Variants in MED19 observed in about 807,000 individuals in gnomAD.
MED19 encodes the protein mediator of RNA polymerase II transcription subunit 19.
In MED19, 4 loss-of-function variants were observed where a neutral mutation model predicts 19.9. The ratio of observed to expected loss-of-function variants is 0.20; its 90% CI spans 0.10 to 0.46. MED19 has a LOEUF of 0.46. Among genes scored for constraint, MED19 ranks in the 20% least tolerant of loss-of-function variants. MED19 has a pLI of 0.99. For missense variants in MED19, 303 were observed against 318.7 expected, an observed-to-expected ratio of 0.95 and a Z score of 0.38; for synonymous variants, 139 against 119.6, an observed-to-expected ratio of 1.16 and a Z score of -1.06.
At chr11:57,710,931 G>C (rs758721640) in intron 1 of MED19, among the ~76,000 whole-genome samples, 12 of 152,180 alleles carry the variant, frequency 7.9e-5, no homozygotes, top group Non-Finnish European at 1.5e-4. Context: ...CTGGGCTCAA[G>C]GGATTCTGCC....
intron 1 of MED19, 115 bp downstream of exon 1, chr11:57,711,847 AG>A: frequency 8.6e-7 from 1 of 1,160,662 alleles, no homozygotes; most frequent in Non-Finnish European, 1.1e-6. Flanking sequence ...AGGGCTCCAC[AG>A]TCCGGGTATG....
rs1325118880 is a variant in MED19 at position 57,712,195 on chromosome 11, G to A, written c.-16C>T. On this transcript the variant is annotated 5_prime_UTR_variant, in exon 1 of 5. Coordinates refer to ENST00000431606, the Ensembl canonical transcript of MED19. ...AATTCTCCATCGTACCCTCCGCCCC[G>A]GCGCTGTCTCCGTGTCTGCCGTTGG... 18 of 1,490,028 alleles carry A rather than the reference G, an allele frequency of 1.2e-5. No individual in the cohort carries two copies. In the East Asian group the frequency reaches 1.6e-4, roughly 13 times the overall value. The allele number at this position is 1,490,028 out of a possible 1,614,324, so 92.3% of individuals were successfully genotyped here.
chr11:57,704,669 GTTTTTT>G (rs34198151), intron 3 of MED19, 44 bp downstream of exon 3: 736 of 1,285,714 alleles, frequency 5.7e-4, no homozygotes, highest in East Asian at 7.6e-4. Context: ...AGAAGGTCAG[GTTTTTT>G]TTTTTTTTTT....
At chr11:57,704,022 G>C in exon 5 of MED19, 1 of 1,535,978 alleles carries the variant, frequency 6.5e-7, no homozygotes, top group African/African-American at 1.4e-5. Flanking sequence ...TCCTGGCAAA[G>C]AGTCCAGTGG....
chr11:57,705,113 G>A lies in MED19; in HGVS notation c.334C>T (p.Leu112=), dbSNP rs780475314. The A allele has an allele frequency of 5.0e-6, 8 of 1,614,184 alleles. No homozygotes were observed. The South Asian group carries it at 8.8e-5, about 18-fold the overall frequency. The change falls in exon 2 of 5, where the codon CTG becomes TTG. Residue 112 remains leucine (L), a synonymous_variant. Coordinates refer to ENST00000431606, the Ensembl canonical transcript of MED19. ...CCAGGCAGATCAATCATCCCTGGCA[G>A]GTCAGGCAGGAAGTTACTTAGCTTC...
chr11:57,706,984 G>A (rs1326334264), intron 1 of MED19, among the ~76,000 whole-genome samples: 3 of 152,156 alleles, frequency 2.0e-5, no homozygotes, highest in Admixed American at 6.5e-5. Flanking sequence ...GATCACCTGA[G>A]GTCAGGAGTT....
exon 1 of MED19, chr11:57,712,211 C>T (rs1337243471): frequency 6.7e-7 from 1 of 1,484,220 alleles, no homozygotes. Flanking sequence ...GTCTCCGTGT[C>T]TGCCGTTGGT....
At chr11:57,707,878 G>A in intron 1 of MED19, among the ~76,000 whole-genome samples, 1 of 152,118 alleles carries the variant, frequency 6.6e-6, no homozygotes, top group East Asian at 1.9e-4. Flanking sequence ...TGTCACCCAG[G>A]CTGGAGTGTA....
rs751553871 is a variant in MED19, at chr11:57,705,248, AAAT to A, written c.218-22_218-20del. The A allele has an allele frequency of 1.2e-6, 2 of 1,609,590 alleles. No homozygotes were observed. Among genetic ancestry groups the A allele is most frequent in the Non-Finnish European group, 1.7e-6 (2 of 1,176,806 alleles). Reference sequence around the variant, plus strand: ...GTGCTACCTAGACAACGCAGAATAAAAATAAAAAAGATCAGTCTTCAAAGTAGA... The same window carrying A: ...GTGCTACCTAGACAACGCAGAATAAAAAAAAAGATCAGTCTTCAAAGTAGA... On this transcript the variant is annotated intron_variant, in intron 1 of 4. Coordinates refer to ENST00000431606, the Ensembl canonical transcript of MED19.
exon 1 of MED19, chr11:57,712,054 C>A: frequency 6.5e-7 from 1 of 1,533,050 alleles, no homozygotes. Context: ...GAGGCGGGGC[C>A]GTGCCGGGTC....
chr11:57,704,775 T>C, exon 3 of MED19: 3 of 1,613,284 alleles, frequency 1.9e-6, no homozygotes, highest in Non-Finnish European at 2.5e-6. Flanking sequence ...ATTCTTCTTC[T>C]TGGGAGGCTG....
intron 1 of MED19, among the ~76,000 whole-genome samples, chr11:57,709,554 T>C (rs1410270128): frequency 2.0e-5 from 3 of 152,094 alleles, no homozygotes; most frequent in Non-Finnish European, 4.4e-5. Flanking sequence ...TTCACTTCTA[T>C]ATACAATATA....
rs1462050972 is a variant in MED19 at position 57,712,154 on chromosome 11, CCAAA to C, written c.22_25del (p.Phe8GlyfsTer60). The C allele has an allele frequency of 6.5e-7, 1 of 1,531,010 alleles. No homozygotes were observed. Among genetic ancestry groups the C allele is most frequent in the Non-Finnish European group, 8.8e-7 (1 of 1,138,658 alleles). 94.8% of individuals were successfully genotyped at this position (1,531,010 alleles called of 1,614,324 possible). A position where few individuals can be genotyped will look rare whatever the true frequency, so the allele number is the denominator to read the frequency against. On this transcript the variant is annotated frameshift_variant, in exon 1 of 5. Transcript: ENST00000431606. LOFTEE classifies it high-confidence loss of function. ...GGGCGGTGGTGGGTCAGCCTGAGCC[CCAAA>C]CAGTGCCGTGAAATTCTCCATCGTA...
intron 1 of MED19, among the ~76,000 whole-genome samples, chr11:57,706,782 C>A (rs371624685): frequency 6.6e-6 from 1 of 152,078 alleles, no homozygotes; most frequent in Non-Finnish European, 1.5e-5. Flanking sequence ...ACAAGTCAGG[C>A]AACTAGAATT....
chr11:57,708,497 A>T (rs1326202855), intron 1 of MED19, among the ~76,000 whole-genome samples: 1 of 152,196 alleles, frequency 6.6e-6, no homozygotes, highest in Non-Finnish European at 1.5e-5. Flanking sequence ...GGATTATTCA[A>T]GGTCTAGCTC....
rs147024095 is a variant in MED19, at chr11:57,711,615, G to A, written c.217+348C>T. ...GTGATTCGCCCGCCTCCGCCTCCCAGAGTGTTGGGATTACAGGCGTGAGCC... is the reference window on the plus strand; with the variant it reads ...GTGATTCGCCCGCCTCCGCCTCCCAAAGTGTTGGGATTACAGGCGTGAGCC... On this transcript the variant is annotated intron_variant, in intron 1 of 4. Coordinates refer to ENST00000431606, the Ensembl canonical transcript of MED19. Among the ~76,000 whole-genome samples the A allele has an allele frequency of 8.6e-3, 1,307 of 152,184 alleles. 26 individuals carry two copies. Among genetic ancestry groups the A allele is most frequent in the African/African-American group, 0.029 (1,210 of 41,516 alleles).
At chr11:57,705,830 T>C (rs954631916) in intron 1 of MED19, among the ~76,000 whole-genome samples, 2 of 152,192 alleles carry the variant, frequency 1.3e-5, no homozygotes, top group African/African-American at 4.8e-5. Context: ...TTGATTTATA[T>C]GATGCTTGCT....
At chr11:57,704,656 T>C (rs1565203275) in intron 3 of MED19, 63 bp downstream of exon 3, 2 of 1,571,786 alleles carry the variant, frequency 1.3e-6, no homozygotes, top group Admixed American at 3.6e-5. Context: ...TCAAACCAGA[T>C]TCAGAAGGTC....
intron 4 of MED19, 35 bp from the exon 5 acceptor site, chr11:57,704,141 G>A: frequency 1.3e-6 from 2 of 1,535,894 alleles, no homozygotes; most frequent in Non-Finnish European, 1.7e-6. Flanking sequence ...GAACAACTAG[G>A]AACTAGCCTT....
Sources: gnomAD v4.1 joint callset for allele counts (sites outside exome capture counted in the v4.1 genomes callset) on GRCh38, gnomAD v4.1.1 for gene constraint, MANE v1.5 for transcripts, NCBI Gene and HGNC (gene_info 2026-07-23, HGNC 2026-07-21) for gene names.